The following MMP16 variants were observed in gnomAD, a reference collection of about 807,000 sequenced individuals.
MMP16 encodes the protein matrix metalloproteinase-16.
In MMP16, 12 loss-of-function variants were observed where a neutral mutation model predicts 67.8. The ratio of observed to expected loss-of-function variants is 0.18; its 90% CI spans 0.11 to 0.29. MMP16 has a LOEUF of 0.29. Ranked by LOEUF, MMP16 falls within the 10% of genes least tolerant of loss-of-function variation. The pLI, the probability that MMP16 is intolerant of heterozygous loss-of-function variation, is 1.00. For synonymous variants in MMP16, 249 were observed against 255.9 expected (o/e 0.97, Z 0.26); for missense variants, 475 against 765.7 (o/e 0.62, Z 4.48).
chr8:88,184,437 T>A (rs1406034138), intron 3 of MMP16, among the ~76,000 whole-genome samples: 1 of 150,796 alleles, frequency 6.6e-6, no homozygotes, highest in Non-Finnish European at 1.5e-5. Flanking sequence ...CTTTTCAAGG[T>A]GTATCCATGA....
chr8:88,192,747 T>C (rs757064377), intron 2 of MMP16, among the ~76,000 whole-genome samples: 1 of 152,166 alleles, frequency 6.6e-6, no homozygotes, highest in Non-Finnish European at 1.5e-5. Flanking sequence ...ATTTCAATTA[T>C]CAAATTAGGA....
chr8:88,047,887 C>T (rs928534616), intron 8 of MMP16, among the ~76,000 whole-genome samples: 2 of 152,140 alleles, frequency 1.3e-5, no homozygotes, highest in East Asian at 3.9e-4. Flanking sequence ...CGGGATGTCA[C>T]TGCAATAATC....
intron 1 of MMP16, among the ~76,000 whole-genome samples, chr8:88,276,401 C>G (rs28904575): frequency 1.4e-4 from 21 of 152,160 alleles, no homozygotes; most frequent in Non-Finnish European, 2.5e-4. Flanking sequence ...AGGATAATTC[C>G]ACAGTCTCTA....
chr8:88,081,422 T>C (rs1808749515), intron 6 of MMP16, among the ~76,000 whole-genome samples: 1 of 152,156 alleles, frequency 6.6e-6, no homozygotes, highest in Admixed American at 6.6e-5. Flanking sequence ...TTAGACTCTA[T>C]ATCTCCCAAT....
intron 1 of MMP16, among the ~76,000 whole-genome samples, chr8:88,248,161 T>C (rs1810149631): frequency 1.3e-5 from 2 of 151,952 alleles, no homozygotes; most frequent in Admixed American, 1.3e-4. Flanking sequence ...ACAATCTCTA[T>C]AAAAGAAAGA....
Position 88,175,567 on chromosome 8 carries a change from TTGTC to T in MMP16, c.405-7598_405-7595del, listed in dbSNP as rs1460821772. On this transcript the variant is annotated intron_variant, in intron 3 of 9. Coordinates refer to ENST00000286614, the MANE Select transcript of MMP16 (RefSeq NM_005941.5). ...CGCACTCTCAACCAATTTCTGCAATTTGTCTGGTAAATTAAAAGAAGTAAAGATA... is the reference window on the plus strand; with the variant it reads ...CGCACTCTCAACCAATTTCTGCAATTTGGTAAATTAAAAGAAGTAAAGATA... Among the ~76,000 whole-genome samples the T allele has an allele frequency of 8.5e-5, 13 of 152,346 alleles. No homozygotes were observed. In the East Asian group the frequency reaches 9.6e-4, roughly 11 times the overall value.
chr8:88,198,985 C>CT (rs1471035277), intron 1 of MMP16, among the ~76,000 whole-genome samples: 2 of 152,130 alleles, frequency 1.3e-5, no homozygotes, highest in East Asian at 3.9e-4. Flanking sequence ...AAAGTCAATA[C>CT]CTATTGTTAA....
In MMP16 at chr8:88,080,271, T is replaced by C. The variant is rs73694231; in HGVS notation, c.1084-5528A>G. Among the ~76,000 whole-genome samples, 688 of 152,280 alleles carry C rather than the reference T, an allele frequency of 4.5e-3. 3 individuals carry two copies. Among genetic ancestry groups the C allele is most frequent in the African/African-American group, 0.016 (657 of 41,554 alleles). ...GGATGAGTATATATATCTGAGATTG[T>C]TCAAAACAAGGTAGCTGTTTAGTTT... On this transcript the variant is annotated intron_variant, in intron 6 of 9. Transcript: ENST00000286614.
At chr8:88,077,536 G>A (rs1808671260) in intron 6 of MMP16, among the ~76,000 whole-genome samples, 1 of 151,904 alleles carries the variant, frequency 6.6e-6, no homozygotes, top group African/African-American at 2.4e-5. Flanking sequence ...CTAATTTATT[G>A]TTCATTCTCT....
At chr8:88,252,921 G>A (rs1455415034) in intron 1 of MMP16, among the ~76,000 whole-genome samples, 2 of 152,064 alleles carry the variant, frequency 1.3e-5, no homozygotes, top group African/African-American at 2.4e-5. Flanking sequence ...GACAAAAATT[G>A]CTAAATGAAT....
intron 1 of MMP16, among the ~76,000 whole-genome samples, chr8:88,221,890 C>T (rs1473637416): frequency 1.3e-5 from 2 of 152,078 alleles, no homozygotes; most frequent in Non-Finnish European, 2.9e-5. Context: ...ATACTGATTT[C>T]AGATAAATAC....
chr8:88,102,158 G>A (rs1484138668), intron 6 of MMP16, among the ~76,000 whole-genome samples: 2 of 151,920 alleles, frequency 1.3e-5, no homozygotes, highest in East Asian at 3.9e-4. Flanking sequence ...TTCTGCAGTG[G>A]ATATCAGCTG....
intron 3 of MMP16, among the ~76,000 whole-genome samples, chr8:88,170,040 G>A (rs1339557222): frequency 6.6e-6 from 1 of 152,134 alleles, no homozygotes; most frequent in African/African-American, 2.4e-5. Flanking sequence ...ATGGTGCTTT[G>A]GACCAGGTTG....
At chr8:88,175,150 G>GA (rs1408227156) in intron 3 of MMP16, among the ~76,000 whole-genome samples, 1 of 152,030 alleles carries the variant, frequency 6.6e-6, no homozygotes, top group Non-Finnish European at 1.5e-5. Context: ...AGGCTTGGCC[G>GA]AAAAAACCAA....
intron 4 of MMP16, among the ~76,000 whole-genome samples, chr8:88,159,756 T>C (rs1436360373): frequency 1.3e-5 from 2 of 152,092 alleles, no homozygotes; most frequent in Non-Finnish European, 2.9e-5. Context: ...CAGTATGAGG[T>C]TGGCTGTGGG....
At chr8:88,132,533 A>C (rs182271967) in intron 4 of MMP16, among the ~76,000 whole-genome samples, 193 of 151,976 alleles carry the variant, frequency 1.3e-3, no homozygotes, top group Middle Eastern at 6.8e-3. Flanking sequence ...GGATCCTGCT[A>C]TCTGTTGGAC....
chr8:88,215,053 G>A (rs937653392), intron 1 of MMP16, among the ~76,000 whole-genome samples: 1 of 152,166 alleles, frequency 6.6e-6, no homozygotes, highest in Non-Finnish European at 1.5e-5. Flanking sequence ...ACTGAGGCTG[G>A]GCGCTGTGGC....
At chr8:88,319,657 C>T (rs1006264716) in intron 1 of MMP16, among the ~76,000 whole-genome samples, 3 of 152,108 alleles carry the variant, frequency 2.0e-5, no homozygotes, top group African/African-American at 7.2e-5. Context: ...CCATCAGCCG[C>T]ATGCAGAGGC....
chr8:88,189,144 G>A (rs1462826572), intron 2 of MMP16, among the ~76,000 whole-genome samples: 2 of 152,090 alleles, frequency 1.3e-5, no homozygotes, highest in Non-Finnish European at 2.9e-5. Context: ...TTTACAACAT[G>A]CTAAGATATA....
Sources: allele counts gnomAD v4.1 joint callset (sites outside exome capture counted in the v4.1 genomes callset), GRCh38; gene constraint gnomAD v4.1.1; transcripts MANE v1.5; gene names NCBI Gene and HGNC (gene_info 2026-07-23, HGNC 2026-07-21).